CLEC1A: variants seen among roughly 807,000 people sequenced by gnomAD.
The protein encoded by CLEC1A is C-type lectin domain family 1 member A.
In CLEC1A, 34 loss-of-function variants were observed where a neutral mutation model predicts 28.7. The ratio of observed to expected loss-of-function variants is 1.18; its 90% CI spans 0.90 to 1.57. The LOEUF is 1.57. Ranked by LOEUF, CLEC1A falls within the 40% of genes most tolerant of loss-of-function variation. The pLI is 0.00. For synonymous variants in CLEC1A, 116 were observed against 121.0 expected, an observed-to-expected ratio of 0.96 and a Z score of 0.27; for missense variants, 385 against 339.5, an observed-to-expected ratio of 1.13 and a Z score of -1.05.
At chr12:10,071,613 A>C (rs1866136620) in intron 5 of CLEC1A, 100 bp from the exon 6 acceptor site, 1 of 987,850 alleles carries the variant, frequency 1.0e-6, no homozygotes, top group Non-Finnish European at 1.4e-6. Context: ...TAGTCTAGAT[A>C]CCAGAATAAG....
chr12:10,086,366 T>TG (rs2137356963), intron 2 of CLEC1A, among the ~76,000 whole-genome samples: 1 of 115,030 alleles, frequency 8.7e-6, no homozygotes, highest in South Asian at 3.3e-4. Context: ...GATATTGAAA[T>TG]GAAAAAAAAA....
Position 10,089,113 on chromosome 12 carries a change from C to T in CLEC1A, c.214+11G>A, listed in dbSNP as rs745672693. ...ACCAGGATCCTCCCCCAGGTCAGAG[C>T]GCAGACTTACACAAAAGCCCCAGGG... On this transcript the variant is annotated intron_variant, in intron 2 of 5. Coordinates refer to ENST00000315330, the MANE Select transcript of CLEC1A (RefSeq NM_016511.4). The T allele has an allele frequency of 5.0e-6, 8 of 1,604,872 alleles. No homozygotes were observed. In the African/African-American group the frequency reaches 5.3e-5, roughly 11 times the overall value.
rs548842607 is a variant in CLEC1A at position 10,070,746 on chromosome 12, A to G, written c.*587T>C. ...TTAATGGACACAGGAAGGAATGCTT[A>G]TAAGGCATTGAGATTTGAGATTCTC... On this transcript the variant is annotated 3_prime_UTR_variant, in exon 6 of 6. Coordinates refer to ENST00000315330, the MANE Select transcript of CLEC1A (RefSeq NM_016511.4). 1 of 152,384 alleles carries G rather than the reference A, an allele frequency of 6.6e-6. No homozygotes were observed. The highest frequency in any genetic ancestry group is 2.4e-5 in the African/African-American group (1 of 41,588). The allele number at this position is 152,384 out of a possible 1,614,324, so 9.4% of individuals were successfully genotyped here.
intron 1 of CLEC1A, among the ~76,000 whole-genome samples, chr12:10,090,648 T>C (rs1322572877): frequency 6.6e-6 from 1 of 152,022 alleles, no homozygotes; most frequent in African/African-American, 2.4e-5. Context: ...ACAGTATAAT[T>C]ACTATCCTCT....
At chr12:10,086,617 A>C (rs1386538158) in intron 2 of CLEC1A, among the ~76,000 whole-genome samples, 1 of 152,198 alleles carries the variant, frequency 6.6e-6, no homozygotes, top group Non-Finnish European at 1.5e-5. Context: ...GAATAAATAG[A>C]AACTCTGAAC....
chr12:10,092,909 C>T (rs764309878), intron 1 of CLEC1A, among the ~76,000 whole-genome samples: 30 of 152,130 alleles, frequency 2.0e-4, no homozygotes, highest in Non-Finnish European at 3.1e-4. Context: ...CCATCTCCCT[C>T]TTGCTCTCTC....
At chr12:10,079,844 A>G (rs1318680817) in intron 3 of CLEC1A, among the ~76,000 whole-genome samples, 1 of 151,908 alleles carries the variant, frequency 6.6e-6, no homozygotes, top group Non-Finnish European at 1.5e-5. Context: ...AAATAAAAGT[A>G]AAAATAAAAA....
At chr12:10,088,817 G>A (rs1218993409) in intron 2 of CLEC1A, among the ~76,000 whole-genome samples, 4 of 152,102 alleles carry the variant, frequency 2.6e-5, no homozygotes, top group Non-Finnish European at 5.9e-5. Flanking sequence ...GTCTTTTGTG[G>A]AATGGGAGAG....
intron 3 of CLEC1A, among the ~76,000 whole-genome samples, chr12:10,077,754 C>T (rs1171744312): frequency 1.3e-5 from 2 of 151,986 alleles, no homozygotes; most frequent in African/African-American, 2.4e-5. Flanking sequence ...AAAGGCTAAT[C>T]GTCTTTTTTT....
intron 1 of CLEC1A, among the ~76,000 whole-genome samples, chr12:10,096,385 T>C (rs1406942828): frequency 2.0e-5 from 3 of 152,198 alleles, no homozygotes; most frequent in African/African-American, 7.2e-5. Context: ...ATCTTTCATA[T>C]CTGATTCTTT....
intron 5 of CLEC1A, among the ~76,000 whole-genome samples, chr12:10,072,374 A>C (rs1167231250): frequency 6.6e-6 from 1 of 152,212 alleles, no homozygotes; most frequent in Non-Finnish European, 1.5e-5. Context: ...GCTGATGCAA[A>C]AATGGACTAA....
chr12:10,081,524 T>C (rs1866371327), intron 2 of CLEC1A, 111 bp from the exon 3 acceptor site: 3 of 790,132 alleles, frequency 3.8e-6, no homozygotes, highest in South Asian at 2.1e-5. Flanking sequence ...AGGCTCTGAG[T>C]TCTCATATTG....
Position 10,077,459 on chromosome 12 carries a change from G to GCATAT in CLEC1A, c.392-1809_392-1805dup, listed in dbSNP as rs1202766004. On this transcript the variant is annotated intron_variant, in intron 3 of 5. Coordinates refer to ENST00000315330, the MANE Select transcript of CLEC1A (RefSeq NM_016511.4). Reference sequence around the variant, plus strand: ...ATATATATTTTTAAAGGAGAAAAATGCATATTTTTGGCCGGAAAAACGGGT... The same window carrying GCATAT: ...ATATATATTTTTAAAGGAGAAAAATGCATATCATATTTTTGGCCGGAAAAACGGGT... 3.3e-5 allele frequency among the ~76,000 whole-genome samples: 5 copies of GCATAT among 151,994 alleles called. No homozygotes were observed. In the East Asian group the frequency reaches 7.7e-4, roughly 23 times the overall value.
At chr12:10,082,754 A>G (rs896442136) in intron 2 of CLEC1A, among the ~76,000 whole-genome samples, 1 of 151,988 alleles carries the variant, frequency 6.6e-6, no homozygotes, top group South Asian at 2.1e-4. Flanking sequence ...AACTCAAACC[A>G]TTAGAGTAAC....
chr12:10,082,618 T>C (rs528167499), intron 2 of CLEC1A, among the ~76,000 whole-genome samples: 2 of 152,318 alleles, frequency 1.3e-5, no homozygotes, highest in South Asian at 4.1e-4. Context: ...GGGAGCTGTA[T>C]GGCCCCACCC....
chr12:10,096,990 A>G (rs1947785956), intron 1 of CLEC1A, among the ~76,000 whole-genome samples: 1 of 152,140 alleles, frequency 6.6e-6, no homozygotes, highest in Admixed American at 6.5e-5. Context: ...TTAGTTGAGA[A>G]TTGTATTAGA....
chr12:10,075,018 G>C (rs1253410457), intron 4 of CLEC1A, among the ~76,000 whole-genome samples: 1 of 152,146 alleles, frequency 6.6e-6, no homozygotes, highest in Non-Finnish European at 1.5e-5. Context: ...ATGTCAATTT[G>C]TAGTTTTATT....
chr12:10,094,938 G>A (rs1219125456), intron 1 of CLEC1A, among the ~76,000 whole-genome samples: 1 of 151,936 alleles, frequency 6.6e-6, no homozygotes, highest in Non-Finnish European at 1.5e-5. Context: ...ACTTCCTCTG[G>A]GAACTCGCAA....
Position 10,070,965 on chromosome 12 carries a change from T to C in CLEC1A, c.*368A>G, listed in dbSNP as rs1408073942. The C allele has an allele frequency of 6.2e-6, 1 of 161,086 alleles. No individual in the cohort carries two copies. The highest frequency in any genetic ancestry group is 2.4e-5 in the African/African-American group (1 of 41,740). The allele number at this position is 161,086 out of a possible 1,614,324, so 10.0% of individuals were successfully genotyped here. Reference sequence around the variant, plus strand: ...GTCAGAGAAAAGGATGTTACCTCAATGTATTTCCTCTACTTCAAAAAGTTT... The same window carrying C: ...GTCAGAGAAAAGGATGTTACCTCAACGTATTTCCTCTACTTCAAAAAGTTT... On this transcript the variant is annotated 3_prime_UTR_variant, in exon 6 of 6. Transcript: ENST00000315330.
Sources: allele counts gnomAD v4.1 joint callset (sites outside exome capture counted in the v4.1 genomes callset), GRCh38; gene constraint gnomAD v4.1.1; transcripts MANE v1.5; gene names NCBI Gene and HGNC (gene_info 2026-07-23, HGNC 2026-07-21).